PTPRK: variants seen among roughly 807,000 people sequenced by gnomAD.
PTPRK encodes the protein protein tyrosine phosphatase receptor type K.
A neutral mutation model predicts 178.0 loss-of-function variants in PTPRK; 75 were observed. The observed-to-expected ratio is 0.42, with a 90% CI of 0.35 to 0.51. The LOEUF is 0.51. Among genes scored for constraint, PTPRK ranks in the 20% least tolerant of loss-of-function variants. The pLI, the probability that PTPRK is intolerant of heterozygous loss-of-function variation, is 0.02. For missense variants in PTPRK, 1,441 were observed against 1,797.8 expected (o/e 0.80, Z 3.59); for synonymous variants, 637 against 620.6 (o/e 1.03, Z -0.39).
chr6:128,256,699 G>A (rs1253815284), intron 3 of PTPRK, among the ~76,000 whole-genome samples: 3 of 151,982 alleles, frequency 2.0e-5, no homozygotes, highest in Non-Finnish European at 4.4e-5. Context: ...GCCTCCCAAA[G>A]TGCTGGGATT....
chr6:128,386,792 G>A (rs961415698), intron 2 of PTPRK, among the ~76,000 whole-genome samples: 1 of 152,188 alleles, frequency 6.6e-6, no homozygotes, highest in Admixed American at 6.5e-5. Flanking sequence ...AACGGGCTGG[G>A]TGCAGTGGCT....
intron 6 of PTPRK, among the ~76,000 whole-genome samples, chr6:128,186,672 T>C (rs754863868): frequency 6.6e-6 from 1 of 152,122 alleles, no homozygotes; most frequent in Admixed American, 6.6e-5. Flanking sequence ...TTTTCACTTA[T>C]CAACTATGAA....
At chr6:128,442,085 G>T (rs1189974502) in intron 1 of PTPRK, among the ~76,000 whole-genome samples, 2 of 152,192 alleles carry the variant, frequency 1.3e-5, no homozygotes, top group African/African-American at 4.8e-5. Context: ...GATGAATACT[G>T]CTAGACATGT....
At chr6:128,334,811 C>G (rs941467311) in intron 2 of PTPRK, among the ~76,000 whole-genome samples, 2 of 152,172 alleles carry the variant, frequency 1.3e-5, no homozygotes, top group African/African-American at 2.4e-5. Context: ...ATGGTTAAGG[C>G]CAAGCGCGGT....
At chr6:128,156,216 A>G (rs1797918189) in intron 7 of PTPRK, among the ~76,000 whole-genome samples, 1 of 151,980 alleles carries the variant, frequency 6.6e-6, no homozygotes, top group Non-Finnish European at 1.5e-5. Flanking sequence ...ATAAAAACAA[A>G]AAATATGGAA....
intron 1 of PTPRK, among the ~76,000 whole-genome samples, chr6:128,423,041 T>A (rs981025293): frequency 1.3e-5 from 2 of 152,246 alleles, no homozygotes; most frequent in Non-Finnish European, 2.9e-5. Context: ...TAGTCTCTTG[T>A]TCTTAATGCA....
intron 1 of PTPRK, among the ~76,000 whole-genome samples, chr6:128,503,124 G>A (rs1233083413): frequency 6.6e-6 from 1 of 152,192 alleles, no homozygotes; most frequent in African/African-American, 2.4e-5. Flanking sequence ...TACTCAGGAG[G>A]ATGAGGCAGG....
intron 5 of PTPRK, among the ~76,000 whole-genome samples, chr6:128,227,915 C>T (rs1029142038): frequency 6.6e-5 from 10 of 151,190 alleles, no homozygotes; most frequent in Non-Finnish European, 1.3e-4. Flanking sequence ...GGGAGACAAA[C>T]AATGAGAACA....
At chr6:128,375,533 T>C (rs1217266082) in intron 2 of PTPRK, among the ~76,000 whole-genome samples, 1 of 152,136 alleles carries the variant, frequency 6.6e-6, no homozygotes, top group East Asian at 1.9e-4. Flanking sequence ...TTATGGGAGC[T>C]ACAAGATGAG....
At chr6:127,998,687 A>G (rs1338420587) in intron 16 of PTPRK, 33 bp downstream of exon 16, 5 of 1,502,592 alleles carry the variant, frequency 3.3e-6, no homozygotes, top group Non-Finnish European at 4.5e-6. Flanking sequence ...ATAGTTAAAA[A>G]TCAAATTCAA....
chr6:128,306,049 T>C (rs1826331597), intron 3 of PTPRK, among the ~76,000 whole-genome samples: 1 of 152,290 alleles, frequency 6.6e-6, no homozygotes, highest in Non-Finnish European at 1.5e-5. Context: ...TCCTGAGAAC[T>C]CACTCACTAT....
chr6:128,295,570 G>T (rs1824193184), intron 3 of PTPRK, among the ~76,000 whole-genome samples: 1 of 152,010 alleles, frequency 6.6e-6, no homozygotes, highest in Non-Finnish European at 1.5e-5. Context: ...AGCCTAGCTT[G>T]GTACAAAATA....
intron 3 of PTPRK, among the ~76,000 whole-genome samples, chr6:128,283,079 G>C (rs769162348): frequency 6.6e-6 from 1 of 152,124 alleles, no homozygotes; most frequent in African/African-American, 2.4e-5. Flanking sequence ...ATGCTTTCCC[G>C]CAGCAAAGTG....
chr6:127,976,395 G>C (rs1461530260), intron 27 of PTPRK, among the ~76,000 whole-genome samples: 1 of 152,308 alleles, frequency 6.6e-6, no homozygotes, highest in Middle Eastern at 3.4e-3. Context: ...GGCCTAGGCT[G>C]TCCAACTTGA....
intron 1 of PTPRK, among the ~76,000 whole-genome samples, chr6:128,483,516 G>A (rs1852380559): frequency 6.6e-6 from 1 of 151,944 alleles, no homozygotes; most frequent in Non-Finnish European, 1.5e-5. Context: ...GTAAAGTGTA[G>A]TAATATTGAA....
At chr6:128,081,834 G>A (rs1784878160) in intron 10 of PTPRK, among the ~76,000 whole-genome samples, 1 of 151,988 alleles carries the variant, frequency 6.6e-6, no homozygotes, top group Non-Finnish European at 1.5e-5. Flanking sequence ...GGAGAAATAA[G>A]CTCTGTAAAC....
chr6:127,984,482 A>G (rs1775723320), intron 22 of PTPRK, among the ~76,000 whole-genome samples: 1 of 152,218 alleles, frequency 6.6e-6, no homozygotes, highest in Admixed American at 6.5e-5. Flanking sequence ...TTTGTAGTCC[A>G]GAGATGCTTC....
At chr6:128,348,882 T>C (rs988734758) in intron 2 of PTPRK, among the ~76,000 whole-genome samples, 4 of 151,982 alleles carry the variant, frequency 2.6e-5, no homozygotes, top group Non-Finnish European at 4.4e-5. Flanking sequence ...TGAATAAAAA[T>C]ATGTAGGCAC....
chr6:128,251,607 A>G (rs1374004707), intron 3 of PTPRK, among the ~76,000 whole-genome samples: 1 of 152,192 alleles, frequency 6.6e-6, no homozygotes, highest in African/African-American at 2.4e-5. Flanking sequence ...GGCCTTTTGC[A>G]TAGTTACAGC....
Sources: gnomAD v4.1 joint callset for allele counts (sites outside exome capture counted in the v4.1 genomes callset) on GRCh38, gnomAD v4.1.1 for gene constraint, MANE v1.5 for transcripts, NCBI Gene and HGNC (gene_info 2026-07-23, HGNC 2026-07-21) for gene names.